Variants in SV2B observed in about 807,000 individuals in gnomAD.
SV2B encodes synaptic vesicle glycoprotein 2B, also known as solute carrier family 22 member B2.
In SV2B, 41 loss-of-function variants were observed where a neutral mutation model predicts 73.9. The observed-to-expected ratio is 0.56, with a 90% confidence interval of 0.43 to 0.72. The LOEUF is 0.72. Among genes scored for constraint, SV2B ranks in the 30% least tolerant of loss-of-function variants. The pLI is 0.00. For missense variants in SV2B, 764 were observed against 857.8 expected, an observed-to-expected ratio of 0.89 and a Z score of 1.37; for synonymous variants, 314 against 314.2, an observed-to-expected ratio of 1.00 and a Z score of 0.01.
intron 1 of SV2B, among the ~76,000 whole-genome samples, chr15:91,191,869 T>G (rs1334170605): frequency 2.6e-5 from 4 of 152,230 alleles, no homozygotes; most frequent in Non-Finnish European, 5.9e-5. Context: ...CTCATTTTCT[T>G]TTTGAAAAAC....
In SV2B at chr15:91,226,596, C is replaced by A; in HGVS notation, c.333C>A (p.Leu111=). ...ECGHGRFQWI[L]FFVLGLALMA... ...GCCATGGCCGCTTCCAGTGGATCCTCTTTTTCGTCTTGGGTTTGGCCCTGA... is the reference window on the plus strand; with the variant it reads ...GCCATGGCCGCTTCCAGTGGATCCTATTTTTCGTCTTGGGTTTGGCCCTGA... The change falls in exon 2 of 13, where the codon CTC becomes CTA. Residue 111 remains leucine, a synonymous_variant. Transcript: ENST00000394232. 1 of 1,614,220 alleles carries A rather than the reference C, an allele frequency of 6.2e-7. No homozygotes were observed. The highest frequency in any genetic ancestry group is 8.5e-7 in the Non-Finnish European group (1 of 1,180,024).
intron 1 of SV2B, among the ~76,000 whole-genome samples, chr15:91,204,641 T>C (rs2045573480): frequency 6.6e-6 from 1 of 151,632 alleles, no homozygotes; most frequent in African/African-American, 2.4e-5. Context: ...ACTGTAGCCT[T>C]GAACCTCCTG....
chr15:91,212,553 G>A (rs894289342), intron 1 of SV2B, among the ~76,000 whole-genome samples: 13 of 152,114 alleles, frequency 8.5e-5, no homozygotes, highest in African/African-American at 2.7e-4. Flanking sequence ...GTGTTCCTGC[G>A]TCATCATACA....
intron 1 of SV2B, among the ~76,000 whole-genome samples, chr15:91,200,156 A>G (rs894793862): frequency 6.6e-6 from 1 of 152,206 alleles, no homozygotes; most frequent in Admixed American, 6.5e-5. Flanking sequence ...ATAATTTACC[A>G]AAAGGTAAGG....
In SV2B at chr15:91,232,579, G is replaced by T. The variant is rs1052702134; in HGVS notation, c.451+5865G>T. Among the ~76,000 whole-genome samples, 1 of 152,180 alleles carries T rather than the reference G, an allele frequency of 6.6e-6. No individual in the cohort carries two copies. Among genetic ancestry groups the T allele is most frequent in the Non-Finnish European group, 1.5e-5 (1 of 68,038 alleles). ...TACTGAGAGTGCTTCTAGAGGAGCG[G>T]AATTTTGAGGATGAGTTGTCTGAAT... On this transcript the variant is annotated intron_variant, in intron 2 of 12. Transcript: ENST00000394232. This position sits in a 1 kb window ranked among gnomAD's most constrained non-coding sequence, Gnocchi z 4.7.
At chr15:91,217,405 G>A (rs1406068705) in intron 1 of SV2B, among the ~76,000 whole-genome samples, 2 of 152,104 alleles carry the variant, frequency 1.3e-5, no homozygotes, top group Non-Finnish European at 2.9e-5. Flanking sequence ...ACCTCTTGGA[G>A]TAATTCTGAA....
At chr15:91,198,961 T>C (rs116289323) in intron 1 of SV2B, among the ~76,000 whole-genome samples, 63 of 152,342 alleles carry the variant, frequency 4.1e-4, no homozygotes, top group African/African-American at 1.5e-3. Context: ...GCATATTCAG[T>C]ATTATCGAAT....
At position 91,225,070 on chromosome 15, in the gene SV2B, T is replaced by A. The variant is rs527895513; in HGVS notation, c.-391-803T>A. ...ATTCTAAGTACTTTATGCACAACCT[T>A]ATGAATTAAGTACTATTGTTATCCC... On this transcript the variant is annotated intron_variant, in intron 1 of 12. Transcript: ENST00000394232. Among the ~76,000 whole-genome samples, 9 of 152,360 alleles carry A rather than the reference T, an allele frequency of 5.9e-5. No individual in the cohort carries two copies. The East Asian group carries it at 1.5e-3, about 26-fold the overall frequency.
rs1459550600 is a variant in SV2B, at chr15:91,289,690, TC to T, written c.1868+14del. Reference sequence around the variant, plus strand: ...ATCCCACCAACCAGAGGTCAGTTCTTCCCCAGGCTTTCCTCAGGGACTTGTT... The same window carrying T: ...ATCCCACCAACCAGAGGTCAGTTCTTCCCAGGCTTTCCTCAGGGACTTGTT... On this transcript the variant is annotated intron_variant, in intron 12 of 12. Coordinates refer to ENST00000394232, the MANE Select transcript of SV2B (RefSeq NM_001323032.3). The surrounding 1 kb of genome is among the most constrained non-coding windows in gnomAD (Gnocchi z 4.9). 6.2e-6 allele frequency: 10 copies of T among 1,609,112 alleles called. No individual in the cohort carries two copies. The highest frequency in any genetic ancestry group is 7.6e-6 in the Non-Finnish European group (9 of 1,177,644).
intron 2 of SV2B, among the ~76,000 whole-genome samples, chr15:91,247,362 A>C (rs1401629257): frequency 6.6e-6 from 1 of 152,234 alleles, no homozygotes; most frequent in Non-Finnish European, 1.5e-5. Flanking sequence ...TGTCTAGATC[A>C]GTCATGGGAT....
At chr15:91,111,688 T>C (rs1157854958) in intron 1 of SV2B, among the ~76,000 whole-genome samples, 1 of 152,164 alleles carries the variant, frequency 6.6e-6, no homozygotes, top group Non-Finnish European at 1.5e-5. Flanking sequence ...TGTTCTTTCA[T>C]TGCTATAAAG....
chr15:91,267,493 C>T lies in SV2B; in HGVS notation c.1120-62C>T, dbSNP rs75307499. ...TAGAATATCTGAGTAATGAGCTCTT[C>T]GTGGGAGAAACAAAGTCACACATTG... is the stretch of plus-strand genomic sequence containing the variant. On this transcript the variant is annotated intron_variant, in intron 7 of 12. Coordinates refer to ENST00000394232, the MANE Select transcript of SV2B (RefSeq NM_001323032.3). This position sits in a 1 kb window ranked among gnomAD's most constrained non-coding sequence, Gnocchi z 4.3. 4,127 of 1,429,018 alleles carry T rather than the reference C, an allele frequency of 2.9e-3. 51 individuals are homozygous for T. In the African/African-American group the frequency reaches 0.035, roughly 12 times the overall value. The allele number at this position is 1,429,018 out of a possible 1,614,324, so 88.5% of individuals were successfully genotyped here.
intron 1 of SV2B, among the ~76,000 whole-genome samples, chr15:91,149,198 C>G (rs1007654067): frequency 1.3e-5 from 2 of 152,214 alleles, no homozygotes; most frequent in Admixed American, 1.3e-4. Flanking sequence ...TGCTCACGAC[C>G]TGGCAGATGG....
At chr15:91,107,073 G>GTT (rs1459586879) in intron 1 of SV2B, among the ~76,000 whole-genome samples, 1 of 152,002 alleles carries the variant, frequency 6.6e-6, no homozygotes, top group African/African-American at 2.4e-5. Context: ...GTTGAAAGTG[G>GTT]TTGTGTGTGT....
intron 1 of SV2B, among the ~76,000 whole-genome samples, chr15:91,155,271 T>C (rs901766096): frequency 3.3e-5 from 5 of 152,150 alleles, no homozygotes. Flanking sequence ...GGAATCCTTT[T>C]CTGCAGAGTC....
In SV2B at chr15:91,158,536, A is replaced by T. The variant is rs186221874; in HGVS notation, c.-392+58173A>T. 7.1e-4 allele frequency among the ~76,000 whole-genome samples: 107 copies of T among 151,736 alleles called. No individual in the cohort carries two copies. The East Asian group carries it at 0.017, about 24-fold the overall frequency. ...GTCAGTGTACATGATGTGGCTTTGT[A>T]GTTAGTGACAAGAGTGCCTGTCTTG... On this transcript the variant is annotated intron_variant, in intron 1 of 12. Coordinates refer to ENST00000394232, the MANE Select transcript of SV2B (RefSeq NM_001323032.3).
chr15:91,204,556 C>CTTTTT (rs568973449), intron 1 of SV2B, among the ~76,000 whole-genome samples: 3 of 127,816 alleles, frequency 2.3e-5, no homozygotes, highest in African/African-American at 5.8e-5. Context: ...TCTTCTTCTT[C>CTTTTT]TTTTTTTTTT....
rs2042433581 is a variant in SV2B at position 91,124,943 on chromosome 15, T to C, written c.-392+24580T>C. Among the ~76,000 whole-genome samples, 2 of 152,214 alleles carry C rather than the reference T, an allele frequency of 1.3e-5. No homozygotes were observed. The highest frequency in any genetic ancestry group is 4.8e-5 in the African/African-American group (2 of 41,466). On this transcript the variant is annotated intron_variant, in intron 1 of 12. Transcript: ENST00000394232. This position sits in a 1 kb window ranked among gnomAD's most constrained non-coding sequence, Gnocchi z 4.6. ...TGCTGATATTACAGGTGTGAGCCACTGCGCCCAGCCCAGAAATTTATTTCT... is the reference window on the plus strand; with the variant it reads ...TGCTGATATTACAGGTGTGAGCCACCGCGCCCAGCCCAGAAATTTATTTCT...
intron 1 of SV2B, among the ~76,000 whole-genome samples, chr15:91,117,369 T>C (rs2042210366): frequency 1.3e-5 from 2 of 152,238 alleles, no homozygotes; most frequent in African/African-American, 4.8e-5. Context: ...GTTGGACATA[T>C]AGCGAGGGTA....
Sources: gnomAD v4.1 joint callset for allele counts (sites outside exome capture counted in the v4.1 genomes callset) on GRCh38, gnomAD v4.1.1 for gene constraint, Gnocchi (gnomAD v3.1) non-coding constraint, MANE v1.5 for transcripts, NCBI Gene and HGNC (gene_info 2026-07-23, HGNC 2026-07-21) for gene names.